Variants in RITA1 observed in about 807,000 individuals in gnomAD.
The protein encoded by RITA1 is RBPJ interacting and tubulin associated 1.
A neutral mutation model predicts 8.7 loss-of-function variants in RITA1; 15 were observed. That is an observed-to-expected ratio of 1.72 (90% CI 1.15 to 2.65). The LOEUF is 2.65. Among genes scored for constraint, RITA1 ranks in the 30% most tolerant of loss-of-function variants. The pLI is 0.00. For synonymous variants in RITA1, 145 were observed against 156.2 expected (o/e 0.93, Z 0.53); for missense variants, 330 against 363.8 (o/e 0.91, Z 0.76).
chr12:113,185,990 G>C lies in RITA1; in HGVS notation c.-228G>C. On this transcript the variant is annotated 5_prime_UTR_variant, in exon 1 of 4. Transcript: ENST00000548278. ...AGAAGGTGCGGGGACGGGTCCCTGAGGATCCCGATGCCTACGAGCCAAGAT... is the reference window on the plus strand; with the variant it reads ...AGAAGGTGCGGGGACGGGTCCCTGACGATCCCGATGCCTACGAGCCAAGAT... 6.5e-7 allele frequency: 1 copy of C among 1,535,936 alleles called. No homozygotes were observed.
Position 113,187,034 on chromosome 12 carries a change from G to T in RITA1, c.288G>T (p.Lys96Asn), listed in dbSNP as rs770901444. 17 of 1,594,808 alleles carry T rather than the reference G, an allele frequency of 1.1e-5. No individual in the cohort carries two copies. Among genetic ancestry groups the T allele is most frequent in the Non-Finnish European group, 1.4e-5 (16 of 1,170,120 alleles). Residue 96 changes from lysine to asparagine, a missense_variant, in exon 3 of 4, where the codon AAG (lysine) becomes AAT (asparagine). Transcript: ENST00000548278. ...GCACCCCCACCCTCACACCAAGGAAGAAGAACAAATACAGGTAATGGGGTA... is the reference window on the plus strand; with the variant it reads ...GCACCCCCACCCTCACACCAAGGAATAAGAACAAATACAGGTAATGGGGTA... ...RGSTPTLTPR[K>N]KNKYRPISHT...
intron 2 of RITA1, 121 bp from the exon 3 acceptor site, chr12:113,186,562 C>G (rs1156372269): frequency 2.9e-6 from 4 of 1,399,142 alleles, no homozygotes; most frequent in Non-Finnish European, 2.8e-6. Context: ...GTTGACAGCT[C>G]CCCTTTGAGA....
At position 113,191,558 on chromosome 12, in the gene RITA1, C is replaced by G; in HGVS notation, c.551C>G (p.Ser184Cys). Reference protein sequence around the residue: ...PGPAADSQKLSMGGLHSSRPL... With the variant: ...PGPAADSQKLCMGGLHSSRPL... Reference sequence around the variant, plus strand: ...CCAGCGGCAGACTCCCAGAAGTTATCTATGGGTGGGTTACACTCTTCACGC... The same window carrying G: ...CCAGCGGCAGACTCCCAGAAGTTATGTATGGGTGGGTTACACTCTTCACGC... Residue 184 changes from serine to cysteine, a missense_variant, in exon 4 of 4, where the codon TCT becomes TGT. Ser to Cys is a moderately radical substitution (Grantham distance 112). Transcript: ENST00000548278. The surrounding 1 kb of genome is among the most constrained non-coding windows in gnomAD (Gnocchi z 4.0). 1 of 1,614,042 alleles carries G rather than the reference C, an allele frequency of 6.2e-7. No individual in the cohort carries two copies. The highest frequency in any genetic ancestry group is 2.2e-5 in the East Asian group (1 of 44,872).
chr12:113,191,859 T>TATGG lies in RITA1; in HGVS notation c.*43_*46dup. ...TTGCCTATGGGGCCACGGCGACAGG[T>TATGG]ATGGCCCCTTGCCAGGGTAGGAGGA... On this transcript the variant is annotated 3_prime_UTR_variant, in exon 4 of 4. Transcript: ENST00000548278. This position sits in a 1 kb window ranked among gnomAD's most constrained non-coding sequence, Gnocchi z 4.0. 6 of 1,541,548 alleles carry TATGG rather than the reference T, an allele frequency of 3.9e-6. No homozygotes were observed. Among genetic ancestry groups the TATGG allele is most frequent in the Non-Finnish European group, 5.2e-6 (6 of 1,143,574 alleles).
intron 3 of RITA1, 105 bp downstream of exon 3, chr12:113,187,153 C>T: frequency 1.7e-6 from 2 of 1,202,012 alleles, no homozygotes; most frequent in Admixed American, 2.9e-5. Flanking sequence ...AGCATCTTGA[C>T]CTCTCTGAGC....
chr12:113,188,905 G>A (rs1246576639), intron 3 of RITA1, among the ~76,000 whole-genome samples: 2 of 137,576 alleles, frequency 1.5e-5, no homozygotes, highest in Admixed American at 8.1e-5. Context: ...CCACCTCCGG[G>A]TTCAAGGAAT....
At position 113,191,403 on chromosome 12, in the gene RITA1, G is replaced by C; in HGVS notation, c.396G>C (p.Gly132=). The part of the protein sequence containing the change: ...ASFGAPRMAK[G]DAAKLRALLW... ...TCGGGGCCCCGCGGATGGCGAAGGG[G>C]GATGCCGCAAAGCTCCGTGCTCTCT... is the stretch of plus-strand genomic sequence containing the variant. The change falls in exon 4 of 4, where the codon GGG becomes GGC. Residue 132 remains glycine, a synonymous_variant. Transcript: ENST00000548278. This position sits in a 1 kb window ranked among gnomAD's most constrained non-coding sequence, Gnocchi z 4.0. 6.2e-7 allele frequency: 1 copy of C among 1,608,464 alleles called. No individual in the cohort carries two copies.
chr12:113,191,546 C>T lies in RITA1; in HGVS notation c.539C>T (p.Ser180Phe). 2 of 1,613,926 alleles carry T rather than the reference C, an allele frequency of 1.2e-6. No homozygotes were observed. Among genetic ancestry groups the T allele is most frequent in the Non-Finnish European group, 1.7e-6 (2 of 1,179,896 alleles). ...SKTEPGPAADSQKLSMGGLHS... is the reference protein window; with the variant it reads ...SKTEPGPAADFQKLSMGGLHS... ...ACAGAGCCGGGGCCAGCGGCAGACT[C>T]CCAGAAGTTATCTATGGGTGGGTTA... Residue 180 changes from serine to phenylalanine, a missense_variant, in exon 4 of 4, where the codon TCC (serine) becomes TTC (phenylalanine). By Grantham distance (155) the Ser-to-Phe change is radical. Coordinates refer to ENST00000548278, the MANE Select transcript of RITA1 (RefSeq NM_032848.3). This position sits in a 1 kb window ranked among gnomAD's most constrained non-coding sequence, Gnocchi z 4.0.
In RITA1 at chr12:113,186,821, C is replaced by T. The variant is rs779536352; in HGVS notation, c.75C>T (p.Tyr25=). The change falls in exon 3 of 4, where the codon TAC becomes TAT. Residue 25 remains tyrosine (Y), a synonymous_variant. Coordinates refer to ENST00000548278, the MANE Select transcript of RITA1 (RefSeq NM_032848.3). The stretch of plus-strand genomic sequence containing the variant: ...TTCAGCACCGCTGCCGAGGTGGCTA[C>T]CGGGTCAAGGCCAGGACGTCATATG... The part of the protein sequence containing the change: ...LGLQHRCRGG[Y]RVKARTSYVD... The T allele has an allele frequency of 6.2e-6, 10 of 1,613,780 alleles. No individual in the cohort carries two copies. The highest frequency in any genetic ancestry group is 2.7e-5 in the African/African-American group (2 of 74,930).
chr12:113,186,034 C>T lies in RITA1; in HGVS notation c.-197+13C>T, dbSNP rs1490782446. 1.3e-6 allele frequency: 2 copies of T among 1,536,004 alleles called. No homozygotes were observed. Among genetic ancestry groups the T allele is most frequent in the African/African-American group, 1.4e-5 (1 of 73,154 alleles). On this transcript the variant is annotated intron_variant, in intron 1 of 3. Coordinates refer to ENST00000548278, the MANE Select transcript of RITA1 (RefSeq NM_032848.3). ...CCAAGATGCTCAGGTAGGAGAACAACCCAAAAATGCAGGGACCTCGGGCAC... is the reference window on the plus strand; with the variant it reads ...CCAAGATGCTCAGGTAGGAGAACAATCCAAAAATGCAGGGACCTCGGGCAC...
chr12:113,190,783 A>G (rs1187606286), intron 3 of RITA1, among the ~76,000 whole-genome samples: 1 of 152,224 alleles, frequency 6.6e-6, no homozygotes, highest in Non-Finnish European at 1.5e-5. Flanking sequence ...CAGGGGCTCA[A>G]ACTGTGGCTG....
chr12:113,191,693 C>G lies in RITA1; in HGVS notation c.686C>G (p.Ser229Cys). Residue 229 changes from serine (S) to cysteine (C), a missense_variant, in exon 4 of 4, where the codon TCC becomes TGC. Ser to Cys is a moderately radical substitution (Grantham distance 112, BLOSUM62 -1). Transcript: ENST00000548278. The surrounding 1 kb of genome is among the most constrained non-coding windows in gnomAD (Gnocchi z 4.0). ...AATGGGCCTCAGGATCTCAGGCCTT[C>G]CACGTCAGGGGTGACCTTCCGGAGC... The part of the protein sequence containing the change: ...HTNGPQDLRP[S>C]TSGVTFRSPL... 1.2e-6 allele frequency: 2 copies of G among 1,614,154 alleles called. No individual in the cohort carries two copies. Among genetic ancestry groups the G allele is most frequent in the Non-Finnish European group, 1.7e-6 (2 of 1,180,034 alleles).
Position 113,191,770 on chromosome 12 carries a change from C to A in RITA1, c.763C>A (p.Pro255Thr), listed in dbSNP as rs763909255. The A allele has an allele frequency of 1.2e-6, 2 of 1,612,502 alleles. No individual in the cohort carries two copies. The highest frequency in any genetic ancestry group is 2.7e-5 in the African/African-American group (2 of 74,904). Residue 255 changes from proline (P) to threonine (T), a missense_variant, in exon 4 of 4, where the codon CCA becomes ACA. Coordinates refer to ENST00000548278, the MANE Select transcript of RITA1 (RefSeq NM_032848.3). The surrounding 1 kb of genome is among the most constrained non-coding windows in gnomAD (Gnocchi z 4.0). The stretch of plus-strand genomic sequence containing the variant: ...AGTTAGCATTTCAGTGCCATCTACC[C>A]CACGACGAGGTGGGGCCACCCAGAA... ...RSVSISVPSTPRRGGATQKPK... is the reference protein window; with the variant it reads ...RSVSISVPSTTRRGGATQKPK...
rs1049220026 is a variant in RITA1, at chr12:113,186,006, G to A, written c.-212G>A. The A allele has an allele frequency of 3.9e-6, 6 of 1,535,886 alleles. No homozygotes were observed. The highest frequency in any genetic ancestry group is 1.7e-4 in the Middle Eastern group (1 of 6,006). The stretch of plus-strand genomic sequence containing the variant: ...GGTCCCTGAGGATCCCGATGCCTAC[G>A]AGCCAAGATGCTCAGGTAGGAGAAC... On this transcript the variant is annotated 5_prime_UTR_variant, in exon 1 of 4. Coordinates refer to ENST00000548278, the MANE Select transcript of RITA1 (RefSeq NM_032848.3).
At position 113,191,926 on chromosome 12, in the gene RITA1, G is replaced by A; in HGVS notation, c.*109G>A. 1 of 1,380,686 alleles carries A rather than the reference G, an allele frequency of 7.2e-7. No individual in the cohort carries two copies. Among genetic ancestry groups the A allele is most frequent in the South Asian group, 1.4e-5 (1 of 70,476 alleles). The allele number at this position is 1,380,686 out of a possible 1,614,324, so 85.5% of individuals were successfully genotyped here. A position where few individuals can be genotyped will look rare whatever the true frequency, so the allele number is the denominator to read the frequency against. ...AACCCCAGGTATTAAAGAAGCCCCT[G>A]TGGGGGCAGACAGACATAGCAGGGG... On this transcript the variant is annotated 3_prime_UTR_variant, in exon 4 of 4. Transcript: ENST00000548278. The surrounding 1 kb of genome is among the most constrained non-coding windows in gnomAD (Gnocchi z 4.0).
At position 113,186,944 on chromosome 12, in the gene RITA1, G is replaced by A. The variant is rs1449438042; in HGVS notation, c.198G>A (p.Val66=). 8 of 1,614,064 alleles carry A rather than the reference G, an allele frequency of 5.0e-6. No homozygotes were observed. Among genetic ancestry groups the A allele is most frequent in the Non-Finnish European group, 6.8e-6 (8 of 1,179,992 alleles). ...WVEKANRTRG[V]GKEASKALGA... ...AGAAGGCTAACAGAACCAGAGGCGT[G>A]GGCAAGGAGGCATCGAAGGCCTTGG... is the stretch of plus-strand genomic sequence containing the variant. The change falls in exon 3 of 4, where the codon GTG becomes GTA. Residue 66 remains valine (V), a synonymous_variant. Coordinates refer to ENST00000548278, the MANE Select transcript of RITA1 (RefSeq NM_032848.3).
At position 113,191,842 on chromosome 12, in the gene RITA1, G is replaced by A. The variant is rs760367270; in HGVS notation, c.*25G>A. 2 of 1,568,850 alleles carry A rather than the reference G, an allele frequency of 1.3e-6. No individual in the cohort carries two copies. The highest frequency in any genetic ancestry group is 1.7e-6 in the Non-Finnish European group (2 of 1,155,742). Reference sequence around the variant, plus strand: ...ATACTCTTTCATCAGGGTTGCCTATGGGGCCACGGCGACAGGTATGGCCCC... The same window carrying A: ...ATACTCTTTCATCAGGGTTGCCTATAGGGCCACGGCGACAGGTATGGCCCC... On this transcript the variant is annotated 3_prime_UTR_variant, in exon 4 of 4. Coordinates refer to ENST00000548278, the MANE Select transcript of RITA1 (RefSeq NM_032848.3). This position sits in a 1 kb window ranked among gnomAD's most constrained non-coding sequence, Gnocchi z 4.0.
In RITA1 at chr12:113,186,908, G is replaced by A. The variant is rs769511046; in HGVS notation, c.162G>A (p.Pro54=). ...GTRPTPPDFD[P]PWVEKANRTR... Reference sequence around the variant, plus strand: ...GGCCTACCCCACCGGACTTCGATCCGCCCTGGGTGGAGAAGGCTAACAGAA... The same window carrying A: ...GGCCTACCCCACCGGACTTCGATCCACCCTGGGTGGAGAAGGCTAACAGAA... Residue 54 remains proline (P), a synonymous_variant, in exon 3 of 4, where the codon CCG becomes CCA. Transcript: ENST00000548278. 15 of 1,613,994 alleles carry A rather than the reference G, an allele frequency of 9.3e-6. No homozygotes were observed. The highest frequency in any genetic ancestry group is 1.3e-5 in the Non-Finnish European group (15 of 1,180,022).
At position 113,187,034 on chromosome 12, in the gene RITA1, GAAGAACA is replaced by G. The variant is rs777029380; in HGVS notation, c.291_297del (p.Lys97AsnfsTer96). On this transcript the variant is annotated frameshift_variant, in exon 3 of 4. Coordinates refer to ENST00000548278, the MANE Select transcript of RITA1 (RefSeq NM_032848.3). LOFTEE classifies it low-confidence loss of function (END_TRUNC). ...GCACCCCCACCCTCACACCAAGGAA[GAAGAACA>G]AATACAGGTAATGGGGTAGGGAGAT... 1.4e-5 allele frequency: 22 copies of G among 1,594,692 alleles called. No homozygotes were observed. In the East Asian group the frequency reaches 4.8e-4, roughly 34 times the overall value.
Sources: gnomAD v4.1 joint callset for allele counts (sites outside exome capture counted in the v4.1 genomes callset) on GRCh38, gnomAD v4.1.1 for gene constraint, Gnocchi (gnomAD v3.1) non-coding constraint, MANE v1.5 for transcripts, NCBI Gene and HGNC (gene_info 2026-07-23, HGNC 2026-07-21) for gene names.